Variants in RYR3 observed in about 807,000 individuals in gnomAD.
RYR3 encodes ryanodine receptor 3.
RYR3 carries 207 observed loss-of-function variants against 584.3 expected under a neutral mutation model. The observed-to-expected ratio is 0.35, with a 90% CI of 0.32 to 0.40. RYR3 has a LOEUF of 0.40. Among genes scored for constraint, RYR3 ranks in the 10% least tolerant of loss-of-function variants. RYR3 has a pLI of 1.00. For synonymous variants in RYR3, 2,416 were observed against 2,248.5 expected (o/e 1.07, Z -2.11); for missense variants, 5,616 against 6,089.2 (o/e 0.92, Z 2.59).
chr15:33,353,498 G>A (rs11631882), intron 1 of RYR3, among the ~76,000 whole-genome samples: 19,461 of 152,156 alleles, frequency 0.13, 1,671 homozygotes, highest in East Asian at 0.27. Flanking sequence ...AACCAGATTT[G>A]CTGTTAGATT....
chr15:33,661,419 G>A lies in RYR3; in HGVS notation c.4623-734G>A, dbSNP rs181355678. Among the ~76,000 whole-genome samples, 72 of 152,326 alleles carry A rather than the reference G, an allele frequency of 4.7e-4. 2 individuals carry two copies. Among genetic ancestry groups the A allele is most frequent in the Admixed American group, 3.9e-4 (6 of 15,310 alleles). ...AAACAAGTATGTTTGTTTTCAGGTC[G>A]TTGGAGGAACACCCCATGGATAGTG... On this transcript the variant is annotated intron_variant, in intron 34 of 103. Transcript: ENST00000634891.
intron 38 of RYR3, among the ~76,000 whole-genome samples, chr15:33,682,115 A>G (rs12050659): frequency 0.66 from 99,726 of 152,126 alleles, 34,173 homozygotes; most frequent in East Asian, 0.79. Flanking sequence ...AAGGAGTTAC[A>G]CCAACTTTGG....
chr15:33,452,050 C>G (rs1228458586), intron 1 of RYR3, among the ~76,000 whole-genome samples: 1 of 152,220 alleles, frequency 6.6e-6, no homozygotes, highest in Non-Finnish European at 1.5e-5. Context: ...CTCCAACAAC[C>G]AAACAGACGT....
At chr15:33,509,663 C>G (rs2052797185) in intron 3 of RYR3, among the ~76,000 whole-genome samples, 2 of 152,168 alleles carry the variant, frequency 1.3e-5, no homozygotes, top group Non-Finnish European at 2.9e-5. Flanking sequence ...TGATGTAAGT[C>G]CTAGGTCTTG....
intron 5 of RYR3, among the ~76,000 whole-genome samples, chr15:33,538,474 A>G (rs1027409341): frequency 2.8e-4 from 43 of 152,048 alleles, no homozygotes; most frequent in African/African-American, 9.9e-4. Flanking sequence ...TTTCAGCAAG[A>G]CTCTACTTCT....
intron 93 of RYR3, among the ~76,000 whole-genome samples, chr15:33,848,063 A>C (rs770147419): frequency 2.0e-5 from 3 of 152,192 alleles, no homozygotes; most frequent in Non-Finnish European, 4.4e-5. Flanking sequence ...TTAGCCATCT[A>C]ACTGAAAACT....
chr15:33,531,635 A>G (rs1216572274), intron 4 of RYR3, among the ~76,000 whole-genome samples: 1 of 104,274 alleles, frequency 9.6e-6, no homozygotes, highest in African/African-American at 2.8e-5. Context: ...GCTGCAGCAT[A>G]TATATATATA....
intron 53 of RYR3, among the ~76,000 whole-genome samples, chr15:33,746,803 CTTTTTTTTTTT>C (rs367738785): frequency 7.4e-6 from 1 of 135,692 alleles, no homozygotes; most frequent in Non-Finnish European, 1.6e-5. Context: ...TTTCTTTCTT[CTTTTTTTTTTT>C]TTTTTCTCTT....
chr15:33,457,803 T>G (rs2047683579), intron 1 of RYR3, among the ~76,000 whole-genome samples: 1 of 152,208 alleles, frequency 6.6e-6, no homozygotes, highest in Non-Finnish European at 1.5e-5. Flanking sequence ...TCATACAACA[T>G]ATGTATTGAA....
At chr15:33,521,687 C>T (rs938485366) in intron 3 of RYR3, among the ~76,000 whole-genome samples, 1 of 152,076 alleles carries the variant, frequency 6.6e-6, no homozygotes, top group Non-Finnish European at 1.5e-5. Flanking sequence ...CTGTGGGTGT[C>T]GAAGGTGGGG....
At chr15:33,858,856 TAA>T (rs1043359635) in intron 99 of RYR3, 3 of 152,262 alleles carry the variant, frequency 2.0e-5, no homozygotes, top group African/African-American at 4.8e-5. Flanking sequence ...AGCATCTCCA[TAA>T]AAGAGGTAAC....
At chr15:33,799,315 G>A (rs2152928785) in intron 67 of RYR3, among the ~76,000 whole-genome samples, 1 of 152,290 alleles carries the variant, frequency 6.6e-6, no homozygotes, top group East Asian at 1.9e-4. Context: ...TTAGAGGGTT[G>A]GGACTTTCAG....
Position 33,744,351 on chromosome 15 carries a change from T to G in RYR3, c.7900-1717T>G, listed in dbSNP as rs555762041. ...ATTTTACATTCACTTGTATGGTTAT[T>G]TGATTGATATCTCTTTCTGCCACTA... On this transcript the variant is annotated intron_variant, in intron 52 of 103. Coordinates refer to ENST00000634891, the MANE Select transcript of RYR3 (RefSeq NM_001036.6). Among the ~76,000 whole-genome samples the G allele has an allele frequency of 2.0e-5, 3 of 152,354 alleles. No individual in the cohort carries two copies. The South Asian group carries it at 6.2e-4, about 32-fold the overall frequency.
At chr15:33,498,080 C>T (rs2051601010) in intron 2 of RYR3, among the ~76,000 whole-genome samples, 1 of 152,176 alleles carries the variant, frequency 6.6e-6, no homozygotes, top group Non-Finnish European at 1.5e-5. Context: ...CTCCATTATA[C>T]ATATGTGCCA....
At chr15:33,841,505 G>GT (rs1431611886) in intron 90 of RYR3, among the ~76,000 whole-genome samples, 1 of 152,194 alleles carries the variant, frequency 6.6e-6, no homozygotes, top group Non-Finnish European at 1.5e-5. Flanking sequence ...TGTCAGGCCT[G>GT]TGCTCAGGTC....
chr15:33,731,758 T>C, intron 48 of RYR3, 64 bp downstream of exon 48: 2 of 1,159,388 alleles, frequency 1.7e-6, no homozygotes, highest in Non-Finnish European at 2.5e-6. Context: ...TTTTCCTATG[T>C]AATCTAAAAA....
chr15:33,864,830 G>A (rs1889898976), intron 103 of RYR3: 3 of 298,318 alleles, frequency 1.0e-5, no homozygotes, highest in African/African-American at 2.1e-5. Context: ...CCAGCGGCAT[G>A]GAATCAGCTT....
chr15:33,468,711 C>A lies in RYR3; in HGVS notation c.52-4708C>A, dbSNP rs114573728. 4.1e-3 allele frequency among the ~76,000 whole-genome samples: 619 copies of A among 152,250 alleles called. 3 individuals are homozygous for A. The highest frequency in any genetic ancestry group is 7.5e-3 in the African/African-American group (313 of 41,548). On this transcript the variant is annotated intron_variant, in intron 1 of 103. Transcript: ENST00000634891. ...AATAGGGTTGCAGTGTAAAAACATA[C>A]CCATTCTGTAAATTATAATTGGGTG...
At chr15:33,357,759 A>G (rs1482796219) in intron 1 of RYR3, among the ~76,000 whole-genome samples, 1 of 152,180 alleles carries the variant, frequency 6.6e-6, no homozygotes, top group Non-Finnish European at 1.5e-5. Flanking sequence ...TCCTTCATTA[A>G]TTGGACATTA....
Sources: allele counts gnomAD v4.1 joint callset (sites outside exome capture counted in the v4.1 genomes callset), GRCh38; gene constraint gnomAD v4.1.1; transcripts MANE v1.5; gene names NCBI Gene and HGNC (gene_info 2026-07-23, HGNC 2026-07-21).